Variants in BIRC6 observed in about 807,000 individuals in gnomAD.
The protein encoded by BIRC6 is baculoviral IAP repeat containing 6.
Under a neutral mutation model 503.3 loss-of-function variants are expected in BIRC6, and 98 were observed. The ratio of observed to expected loss-of-function variants is 0.19; its 90% confidence interval spans 0.17 to 0.23. The LOEUF (loss-of-function observed/expected upper bound fraction) is 0.23. Ranked by LOEUF, BIRC6 falls within the 10% of genes least tolerant of loss-of-function variation. The probability of loss-of-function intolerance (pLI) is 1.00; values close to 1 mark genes in which losing one functional copy is unlikely to be tolerated. For synonymous variants in BIRC6, 2,240 were observed against 2,078.7 expected (o/e 1.08, Z -2.11); for missense variants, 5,360 against 5,806.0 (o/e 0.92, Z 2.50).
At position 32,618,133 on chromosome 2, in the gene BIRC6, C is replaced by T. The variant is rs1488272347; in HGVS notation, c.*229C>T. 2 of 366,478 alleles carry T rather than the reference C, an allele frequency of 5.5e-6. No individual in the cohort carries two copies. Among genetic ancestry groups the T allele is most frequent in the Non-Finnish European group, 9.8e-6 (2 of 204,506 alleles). 22.7% of individuals were successfully genotyped at this position (366,478 alleles called of 1,614,324 possible). ...TGTGAGAACCACTGATTGGTATGTT[C>T]AACAAATTTGTGTATACAAAGAAAT... On this transcript the variant is annotated 3_prime_UTR_variant, in exon 74 of 74. Coordinates refer to ENST00000421745, the MANE Select transcript of BIRC6 (RefSeq NM_016252.4).
intron 44 of BIRC6, 92 bp downstream of exon 44, chr2:32,491,650 T>A: frequency 7.6e-7 from 1 of 1,313,130 alleles, no homozygotes; most frequent in South Asian, 1.6e-5. Flanking sequence ...TGCTAAAGTA[T>A]TAAATAATAG....
intron 9 of BIRC6, among the ~76,000 whole-genome samples, chr2:32,410,222 T>TA (rs2041707862): frequency 6.6e-6 from 1 of 152,184 alleles, no homozygotes; most frequent in Non-Finnish European, 1.5e-5. Flanking sequence ...TTTATTGTGG[T>TA]ATAGTACATG....
At chr2:32,396,652 C>T (rs2039926025) in intron 6 of BIRC6, among the ~76,000 whole-genome samples, 1 of 152,076 alleles carries the variant, frequency 6.6e-6, no homozygotes, top group Admixed American at 6.5e-5. Context: ...CCCTATACAT[C>T]CATAACCTAT....
At chr2:32,506,109 A>G (rs1399687643) in intron 50 of BIRC6, among the ~76,000 whole-genome samples, 5 of 152,128 alleles carry the variant, frequency 3.3e-5, no homozygotes, top group African/African-American at 1.2e-4. Context: ...TTGGCCTCCT[A>G]AAGTGCTGAG....
rs139766563 is a variant in BIRC6 at position 32,476,336 on chromosome 2, A to T, written c.6844A>T (p.Thr2282Ser). ...LVEQAKLKQA[T>S]SKHFKDLIRL... ...AGAACAAGCAAAACTAAAGCAGGCC[A>T]CTTCAAAGGTATGATCTATACTTTT... is the stretch of plus-strand genomic sequence containing the variant. Residue 2282 changes from threonine to serine, a missense_variant, in exon 34 of 74, where the codon ACT (threonine) becomes TCT (serine). Physicochemically the swap from Thr to Ser is moderately conservative, Grantham distance 58. This residue lies in a region of BIRC6 where 2,299 missense variants were observed against 2,267.2 expected (regional missense o/e 1.01). Transcript: ENST00000421745. 5 of 1,577,474 alleles carry T rather than the reference A, an allele frequency of 3.2e-6. No individual in the cohort carries two copies. Among genetic ancestry groups the T allele is most frequent in the Non-Finnish European group, 4.3e-6 (5 of 1,160,304 alleles).
chr2:32,412,691 T>G (rs2042018917), intron 9 of BIRC6, among the ~76,000 whole-genome samples: 1 of 152,068 alleles, frequency 6.6e-6, no homozygotes, highest in South Asian at 2.1e-4. Context: ...TAGAATTGTA[T>G]TTTCTGACAT....
chr2:32,490,301 A>G (rs1411648535), intron 43 of BIRC6, 150 bp downstream of exon 43: 3 of 637,650 alleles, frequency 4.7e-6, no homozygotes, highest in Non-Finnish European at 2.7e-6. Flanking sequence ...TAAACCCAGC[A>G]CTTTGGGAGG....
chr2:32,612,478 A>G (rs547087353), intron 73 of BIRC6, among the ~76,000 whole-genome samples: 78 of 152,056 alleles, frequency 5.1e-4, no homozygotes, highest in African/African-American at 1.9e-3. Context: ...TTCTATCTTC[A>G]GGTTTTTCCA....
At chr2:32,511,417 C>T (rs1192728766) in intron 53 of BIRC6, among the ~76,000 whole-genome samples, 1 of 147,146 alleles carries the variant, frequency 6.8e-6, no homozygotes, top group Admixed American at 6.8e-5. Flanking sequence ...TCATGCCATT[C>T]TTCTGCCTCA....
intron 23 of BIRC6, among the ~76,000 whole-genome samples, chr2:32,462,169 A>C (rs1043298982): frequency 3.3e-5 from 5 of 151,978 alleles, no homozygotes; most frequent in African/African-American, 1.2e-4. Flanking sequence ...AATATTTGCT[A>C]TTCTTATAGC....
chr2:32,414,825 A>T lies in BIRC6; in HGVS notation c.1534A>T (p.Ile512Phe). The change falls in exon 10 of 74, where the codon ATT (isoleucine) becomes TTT (phenylalanine). Residue 512 changes from isoleucine to phenylalanine, a missense_variant. This residue lies in a region of BIRC6 where 700 missense variants were observed against 739.3 expected (regional missense o/e 0.95). Coordinates refer to ENST00000421745, the MANE Select transcript of BIRC6 (RefSeq NM_016252.4). ...AAGCCTTGATATAACAGCACTCAGC[A>T]TTCTCCAACAGCCAGAAAAACTTCA... Reference protein sequence around the residue: ...EVSLDITALSILQQPEKLQWE... With the variant: ...EVSLDITALSFLQQPEKLQWE... 1 of 1,614,024 alleles carries T rather than the reference A, an allele frequency of 6.2e-7. No individual in the cohort carries two copies.
chr2:32,616,875 C>G (rs1206425145), intron 73 of BIRC6, among the ~76,000 whole-genome samples: 1 of 152,096 alleles, frequency 6.6e-6, no homozygotes, highest in Non-Finnish European at 1.5e-5. Context: ...GAGGCCAAGG[C>G]AGGTGGATCG....
intron 70 of BIRC6, 150 bp downstream of exon 70, chr2:32,600,050 A>G (rs745373295): frequency 1.6e-5 from 12 of 731,820 alleles, no homozygotes; most frequent in Non-Finnish European, 2.6e-5. Flanking sequence ...AGCTTAAGCA[A>G]TAGAAGGAAC....
chr2:32,384,441 A>G (rs1649871872), intron 3 of BIRC6, among the ~76,000 whole-genome samples: 2 of 151,990 alleles, frequency 1.3e-5, no homozygotes, highest in African/African-American at 4.8e-5. Context: ...CTACAATACC[A>G]TGACATTCTG....
At chr2:32,452,549 A>G (rs1305069635) in intron 22 of BIRC6, among the ~76,000 whole-genome samples, 1 of 152,060 alleles carries the variant, frequency 6.6e-6, no homozygotes, top group Non-Finnish European at 1.5e-5. Flanking sequence ...TAAATGTGCC[A>G]TGTTTCTTTG....
intron 55 of BIRC6, among the ~76,000 whole-genome samples, 183 bp downstream of exon 55, chr2:32,515,953 C>A (rs1439023158): frequency 6.6e-6 from 1 of 152,158 alleles, no homozygotes; most frequent in Non-Finnish European, 1.5e-5. Context: ...ATCACTTATT[C>A]TTTATGATGA....
chr2:32,393,756 G>C (rs906513405), intron 5 of BIRC6, among the ~76,000 whole-genome samples: 4 of 152,152 alleles, frequency 2.6e-5, no homozygotes, highest in Non-Finnish European at 4.4e-5. Flanking sequence ...TCTGGGCTCA[G>C]GCAGTTTGCC....
chr2:32,458,970 G>A (rs539071287), intron 23 of BIRC6, among the ~76,000 whole-genome samples: 3 of 152,034 alleles, frequency 2.0e-5, no homozygotes, highest in Middle Eastern at 3.2e-3. Flanking sequence ...GATTACAAGC[G>A]TGAGCCACCG....
intron 22 of BIRC6, among the ~76,000 whole-genome samples, chr2:32,449,940 A>G (rs930517790): frequency 6.6e-6 from 1 of 152,222 alleles, no homozygotes; most frequent in Non-Finnish European, 1.5e-5. Context: ...TGATTGCCTT[A>G]CACGCATCTC....
Sources: gnomAD v4.1 joint callset for allele counts (sites outside exome capture counted in the v4.1 genomes callset) on GRCh38, gnomAD v4.1.1 for gene constraint, gnomAD v4.1.1 regional missense constraint, MANE v1.5 for transcripts, NCBI Gene and HGNC (gene_info 2026-07-23, HGNC 2026-07-21) for gene names.